The following GALNTL6 variants were observed in gnomAD, a reference collection of about 807,000 sequenced individuals.
GALNTL6 encodes polypeptide N-acetylgalactosaminyltransferase-like 6.
Under a neutral mutation model 73.7 loss-of-function variants are expected in GALNTL6, and 46 were observed. The observed-to-expected ratio is 0.62, with a 90% CI of 0.49 to 0.80. GALNTL6 has a LOEUF of 0.80. Ranked by LOEUF, GALNTL6 falls within the 30% of genes least tolerant of loss-of-function variation. The probability of loss-of-function intolerance (pLI) is 0.00; values close to 1 mark genes in which losing one functional copy is unlikely to be tolerated. For missense variants in GALNTL6, 604 were observed against 755.0 expected, an observed-to-expected ratio of 0.80 and a Z score of 2.34; for synonymous variants, 259 against 263.7, an observed-to-expected ratio of 0.98 and a Z score of 0.17.
At chr4:172,172,843 T>C (rs72996346) in intron 2 of GALNTL6, among the ~76,000 whole-genome samples, 3,178 of 152,312 alleles carry the variant, frequency 0.021, 107 homozygotes, top group African/African-American at 0.071. Flanking sequence ...TGAATCTAAA[T>C]GCAATTTACT....
intron 12 of GALNTL6, among the ~76,000 whole-genome samples, chr4:173,022,180 G>GGAGA (rs1335384010): frequency 7.2e-6 from 1 of 138,678 alleles, no homozygotes; most frequent in Non-Finnish European, 1.6e-5. Context: ...AGGGAGAGAG[G>GGAGA]GAGGGAGGGA....
At chr4:172,885,211 G>A (rs1388378400) in intron 8 of GALNTL6, among the ~76,000 whole-genome samples, 2 of 152,070 alleles carry the variant, frequency 1.3e-5, no homozygotes, top group East Asian at 1.9e-4. Flanking sequence ...ATCATTTCTG[G>A]TAGTGTAGAT....
At chr4:172,834,971 G>A (rs1158055532) in intron 7 of GALNTL6, among the ~76,000 whole-genome samples, 1 of 152,198 alleles carries the variant, frequency 6.6e-6, no homozygotes, top group Non-Finnish European at 1.5e-5. Context: ...TTTCTGTAAT[G>A]CCTGAAGAAG....
chr4:172,540,946 A>G (rs1482553911), intron 5 of GALNTL6, among the ~76,000 whole-genome samples: 1 of 152,228 alleles, frequency 6.6e-6, no homozygotes, highest in Non-Finnish European at 1.5e-5. Context: ...TCCTAGATCT[A>G]GGAAAGGCCT....
chr4:172,308,510 T>C (rs1379379914), intron 3 of GALNTL6, among the ~76,000 whole-genome samples: 1 of 152,142 alleles, frequency 6.6e-6, no homozygotes, highest in Admixed American at 6.5e-5. Context: ...GTCCCTTCTA[T>C]GCCAATTTTA....
intron 12 of GALNTL6, among the ~76,000 whole-genome samples, chr4:173,039,508 T>C (rs1220755281): frequency 2.6e-5 from 4 of 152,160 alleles, no homozygotes; most frequent in Admixed American, 2.6e-4. Flanking sequence ...GGGTATTATT[T>C]ACTGCGGACT....
chr4:172,192,063 G>A (rs910657887), intron 2 of GALNTL6, among the ~76,000 whole-genome samples: 2 of 152,020 alleles, frequency 1.3e-5, no homozygotes, highest in Non-Finnish European at 1.5e-5. Context: ...CAATTAATAA[G>A]AGTTCATAAA....
chr4:172,230,899 A>G (rs1458150792), intron 3 of GALNTL6, among the ~76,000 whole-genome samples: 1 of 152,168 alleles, frequency 6.6e-6, no homozygotes, highest in Admixed American at 6.5e-5. Context: ...GTTAGTAACA[A>G]AATTGTTCTG....
intron 10 of GALNTL6, among the ~76,000 whole-genome samples, chr4:172,957,111 G>A (rs1319722423): frequency 6.6e-6 from 1 of 152,204 alleles, no homozygotes; most frequent in Non-Finnish European, 1.5e-5. Flanking sequence ...GGCATGTTGA[G>A]TAAAGCCAAT....
chr4:172,859,046 G>GAAA (rs67296281), intron 7 of GALNTL6, among the ~76,000 whole-genome samples: 1 of 140,104 alleles, frequency 7.1e-6, no homozygotes. Context: ...GAGTGGTCAG[G>GAAA]AAAAAAAAAA....
At chr4:172,485,403 C>T (rs1733630878) in intron 5 of GALNTL6, among the ~76,000 whole-genome samples, 1 of 151,968 alleles carries the variant, frequency 6.6e-6, no homozygotes, top group African/African-American at 2.4e-5. Flanking sequence ...CATAATGTTA[C>T]TATACAATAC....
chr4:171,896,648 T>G (rs747131750), intron 2 of GALNTL6, among the ~76,000 whole-genome samples: 4 of 152,328 alleles, frequency 2.6e-5, no homozygotes, highest in African/African-American at 9.6e-5. Context: ...TCTGTTGGCC[T>G]CTTTCGTAAC....
chr4:172,126,955 A>G (rs1332680373), intron 2 of GALNTL6, among the ~76,000 whole-genome samples: 2 of 152,188 alleles, frequency 1.3e-5, no homozygotes, highest in African/African-American at 2.4e-5. Flanking sequence ...GGAAGCCACC[A>G]CACATTTTCA....
intron 2 of GALNTL6, among the ~76,000 whole-genome samples, chr4:171,860,127 G>A (rs955581661): frequency 1.3e-5 from 2 of 152,098 alleles, no homozygotes; most frequent in Non-Finnish European, 2.9e-5. Flanking sequence ...CCATAATAAT[G>A]TTTGTCACCA....
intron 5 of GALNTL6, among the ~76,000 whole-genome samples, chr4:172,368,826 C>T (rs532499344): frequency 1.8e-4 from 27 of 152,226 alleles, no homozygotes; most frequent in African/African-American, 6.3e-4. Flanking sequence ...GATGGTGTAT[C>T]CAGACTTTGT....
At chr4:172,364,505 T>C (rs1742487203) in intron 5 of GALNTL6, among the ~76,000 whole-genome samples, 1 of 152,184 alleles carries the variant, frequency 6.6e-6, no homozygotes, top group South Asian at 2.1e-4. Context: ...ATGCAATAAG[T>C]ATTCTATTTA....
chr4:172,725,140 T>C (rs1031450526), intron 5 of GALNTL6, among the ~76,000 whole-genome samples: 1 of 152,214 alleles, frequency 6.6e-6, no homozygotes, highest in Non-Finnish European at 1.5e-5. Flanking sequence ...GTAATTCTCA[T>C]CTCCTACCTT....
rs1365998898 is a variant in GALNTL6 at position 173,009,258 on chromosome 4, CAAGGATGGTTCTGAAAGA to C, written c.1454_1471del (p.Lys485_Arg490del). 6.2e-7 allele frequency: 1 copy of C among 1,613,686 alleles called. No homozygotes were observed. The highest frequency in any genetic ancestry group is 8.5e-7 in the Non-Finnish European group (1 of 1,179,682). On this transcript the variant is annotated inframe_deletion, in exon 11 of 13. Transcript: ENST00000506823. ...CAGAGCTGAGGCTGGACATCTGTGT[CAAGGATGGTTCTGAAAGA>C]ACATGGTCTCATGAACAGGTGAGTC...
At chr4:172,284,354 T>C (rs1383707387) in intron 3 of GALNTL6, among the ~76,000 whole-genome samples, 1 of 152,180 alleles carries the variant, frequency 6.6e-6, no homozygotes, top group Non-Finnish European at 1.5e-5. Flanking sequence ...TGGTGAAGTC[T>C]TAGTTTTAGT....
Sources: gnomAD v4.1 joint callset for allele counts (sites outside exome capture counted in the v4.1 genomes callset) on GRCh38, gnomAD v4.1.1 for gene constraint, MANE v1.5 for transcripts, NCBI Gene and HGNC (gene_info 2026-07-23, HGNC 2026-07-21) for gene names.